CDH7: variants seen among roughly 807,000 people sequenced by gnomAD.
CDH7 encodes cadherin 7, also known as cadherin-7.
Under a neutral mutation model 71.8 loss-of-function variants are expected in CDH7, and 25 were observed. The observed-to-expected ratio is 0.35, with a 90% CI of 0.25 to 0.49. The LOEUF (loss-of-function observed/expected upper bound fraction) is 0.49. Among genes scored for constraint, CDH7 ranks in the 20% least tolerant of loss-of-function variants. The pLI is 0.99. For missense variants in CDH7, 862 were observed against 974.6 expected, an observed-to-expected ratio of 0.88 and a Z score of 1.54; for synonymous variants, 381 against 363.8, an observed-to-expected ratio of 1.05 and a Z score of -0.54.
chr18:65,812,772 C>T (rs1273085671), intron 3 of CDH7, among the ~76,000 whole-genome samples: 1 of 152,044 alleles, frequency 6.6e-6, no homozygotes, highest in Non-Finnish European at 1.5e-5. Context: ...TTGTACACAG[C>T]CAAACTTACT....
rs1462555344 is a variant in CDH7, at chr18:65,824,676, C to A, written c.826C>A (p.Pro276Thr). Residue 276 changes from proline (P) to threonine (T), a missense_variant, in exon 6 of 12, where the codon CCT becomes ACT. By Grantham distance (38) the Pro-to-Thr change is conservative (BLOSUM62 -1). Coordinates refer to ENST00000397968, the MANE Select transcript of CDH7 (RefSeq NM_004361.5). ...TCAATATAACGTCCCAGAGTCATTA[C>A]CTGTAGCCTCAGTTGTGGCCAGAAT... ...SYQYNVPESLPVASVVARIKA... is the reference protein window; with the variant it reads ...SYQYNVPESLTVASVVARIKA... The A allele has an allele frequency of 2.5e-6, 4 of 1,609,852 alleles. No homozygotes were observed. Among genetic ancestry groups the A allele is most frequent in the Non-Finnish European group, 3.4e-6 (4 of 1,177,398 alleles).
intron 6 of CDH7, among the ~76,000 whole-genome samples, chr18:65,830,485 T>C (rs1912297596): frequency 6.6e-6 from 1 of 152,086 alleles, no homozygotes; most frequent in South Asian, 2.1e-4. Context: ...TTCAAATTGT[T>C]ATTACTTTCC....
intron 1 of CDH7, among the ~76,000 whole-genome samples, chr18:65,752,244 A>T (rs1416736936): frequency 6.6e-6 from 1 of 152,252 alleles, no homozygotes; most frequent in African/African-American, 2.4e-5. Flanking sequence ...TAAGAGAAAA[A>T]TGTAAGTGAC....
intron 5 of CDH7, 42 bp from the exon 6 acceptor site, chr18:65,824,602 A>T (rs769332279): frequency 7.7e-7 from 1 of 1,300,562 alleles, no homozygotes; most frequent in Non-Finnish European, 1.0e-6. Context: ...TTTATTGGTT[A>T]GTTTGGTGTA....
At chr18:65,807,610 A>G (rs953416412) in intron 2 of CDH7, among the ~76,000 whole-genome samples, 1 of 152,188 alleles carries the variant, frequency 6.6e-6, no homozygotes, top group African/African-American at 2.4e-5. Context: ...AGGAGCACAG[A>G]TGAGGGTGAG....
At chr18:65,763,235 G>A (rs1916254833) in intron 2 of CDH7, among the ~76,000 whole-genome samples, 183 bp downstream of exon 2, 1 of 152,166 alleles carries the variant, frequency 6.6e-6, no homozygotes, top group African/African-American at 2.4e-5. Context: ...TGCAATCAAG[G>A]TATAATATTC....
chr18:65,867,810 C>T (rs915740597), intron 11 of CDH7, among the ~76,000 whole-genome samples: 1 of 152,146 alleles, frequency 6.6e-6, no homozygotes, highest in African/African-American at 2.4e-5. Context: ...ACCAGCCCAG[C>T]TTCATAAACT....
chr18:65,792,806 T>C (rs145357501), intron 2 of CDH7, among the ~76,000 whole-genome samples: 1 of 152,136 alleles, frequency 6.6e-6, no homozygotes, highest in South Asian at 2.1e-4. Context: ...TTCCACAAAA[T>C]ACCCAATTAC....
At chr18:65,794,566 C>T (rs1249172419) in intron 2 of CDH7, among the ~76,000 whole-genome samples, 4 of 148,016 alleles carry the variant, frequency 2.7e-5, no homozygotes, top group East Asian at 2.0e-4. Flanking sequence ...AGTTGGGGGT[C>T]GGGAGCAAGG....
At chr18:65,861,552 C>A (rs1913566962) in intron 10 of CDH7, among the ~76,000 whole-genome samples, 1 of 152,126 alleles carries the variant, frequency 6.6e-6, no homozygotes, top group South Asian at 2.1e-4. Context: ...TAGTGAGTAC[C>A]TTCTCAAATT....
chr18:65,879,192 T>A (rs1914150394), intron 11 of CDH7, among the ~76,000 whole-genome samples: 1 of 152,230 alleles, frequency 6.6e-6, no homozygotes, highest in Non-Finnish European at 1.5e-5. Flanking sequence ...GTTAAGGACG[T>A]TGATGTCCTT....
rs1018924148 is a variant in CDH7 at position 65,839,562 on chromosome 18, A to G, written c.982-4250A>G. The stretch of plus-strand genomic sequence containing the variant: ...GGCGGACACAAATATAAAATGCAAA[A>G]GAAACACTAATCTTACATTTTTTAA... On this transcript the variant is annotated intron_variant, in intron 6 of 11. Coordinates refer to ENST00000397968, the MANE Select transcript of CDH7 (RefSeq NM_004361.5). 3.3e-5 allele frequency among the ~76,000 whole-genome samples: 5 copies of G among 152,210 alleles called. No homozygotes were observed. The South Asian group carries it at 6.2e-4, about 19-fold the overall frequency.
intron 7 of CDH7, among the ~76,000 whole-genome samples, chr18:65,852,552 G>A (rs757570602): frequency 1.3e-5 from 2 of 152,094 alleles, no homozygotes; most frequent in South Asian, 2.1e-4. Flanking sequence ...TGAGAGAAAG[G>A]GGGAGGGCAG....
At chr18:65,816,043 C>T (rs17061843) in intron 4 of CDH7, among the ~76,000 whole-genome samples, 2,444 of 152,154 alleles carry the variant, frequency 0.016, 54 homozygotes, top group African/African-American at 0.055. Context: ...ACAGGATTTC[C>T]CTATAACCCT....
chr18:65,783,075 T>C (rs918928991), intron 2 of CDH7, among the ~76,000 whole-genome samples: 5 of 152,212 alleles, frequency 3.3e-5, no homozygotes, highest in Non-Finnish European at 5.9e-5. Context: ...TCAGATGTTA[T>C]GCTGCTCTGT....
chr18:65,802,925 G>A (rs1911177714), intron 2 of CDH7, among the ~76,000 whole-genome samples: 1 of 152,080 alleles, frequency 6.6e-6, no homozygotes, highest in African/African-American at 2.4e-5. Flanking sequence ...CATGTCATAG[G>A]CACAGATCCT....
intron 7 of CDH7, among the ~76,000 whole-genome samples, chr18:65,856,945 G>A (rs1913378764): frequency 6.6e-6 from 1 of 151,546 alleles, no homozygotes; most frequent in African/African-American, 2.4e-5. Flanking sequence ...TGCAAAAATA[G>A]CCATGCAATC....
chr18:65,778,271 CAAAA>C (rs148841669), intron 2 of CDH7, among the ~76,000 whole-genome samples: 41,331 of 84,606 alleles, frequency 0.49, 6,821 homozygotes, highest in Middle Eastern at 0.69. Context: ...GACTCTGTCT[CAAAA>C]AAAAAAAAAA....
At chr18:65,879,261 A>G (rs1437724050) in intron 11 of CDH7, among the ~76,000 whole-genome samples, 3 of 152,174 alleles carry the variant, frequency 2.0e-5, no homozygotes, top group Non-Finnish European at 4.4e-5. Context: ...AAAGTTTACA[A>G]GATACTTTAA....
Sources: gnomAD v4.1 joint callset for allele counts (sites outside exome capture counted in the v4.1 genomes callset) on GRCh38, gnomAD v4.1.1 for gene constraint, MANE v1.5 for transcripts, NCBI Gene and HGNC (gene_info 2026-07-23, HGNC 2026-07-21) for gene names.